The following EML6 variants were observed in gnomAD, a reference collection of about 807,000 sequenced individuals.
The protein encoded by EML6 is EMAP like 6, also known as echinoderm microtubule-associated protein-like 6.
Under a neutral mutation model 240.1 loss-of-function variants are expected in EML6, and 154 were observed. The observed-to-expected ratio is 0.64, with a 90% CI of 0.56 to 0.73. The LOEUF is 0.73. EML6 is among the 30% of genes least tolerant of loss of function. The pLI is 0.00. For synonymous variants in EML6, 1,148 were observed against 899.0 expected, an observed-to-expected ratio of 1.28 and a Z score of -4.95; for missense variants, 2,964 against 2,474.6, an observed-to-expected ratio of 1.20 and a Z score of -4.20.
intron 28 of EML6, among the ~76,000 whole-genome samples, chr2:54,948,132 C>A (rs775182091): frequency 6.6e-6 from 1 of 152,154 alleles, no homozygotes; most frequent in Non-Finnish European, 1.5e-5. Flanking sequence ...AAGGAAACCC[C>A]ACGTCACCAA....
At chr2:54,764,231 C>T (rs374309235) in intron 2 of EML6, among the ~76,000 whole-genome samples, 1 of 152,144 alleles carries the variant, frequency 6.6e-6, no homozygotes, top group African/African-American at 2.4e-5. Flanking sequence ...AGATTAAGTC[C>T]ATATAATTTC....
At chr2:54,877,087 A>G (rs1263542322) in intron 16 of EML6, among the ~76,000 whole-genome samples, 1 of 151,694 alleles carries the variant, frequency 6.6e-6, no homozygotes, top group Non-Finnish European at 1.5e-5. Flanking sequence ...AGCTCAATCG[A>G]TCCTCCCAAC....
chr2:54,838,530 G>A (rs1669272893), intron 7 of EML6, among the ~76,000 whole-genome samples: 1 of 152,210 alleles, frequency 6.6e-6, no homozygotes, highest in East Asian at 1.9e-4. Context: ...TAGAAAATAA[G>A]CAATGTCCCT....
At chr2:54,819,548 C>T (rs956223783) in intron 4 of EML6, among the ~76,000 whole-genome samples, 4 of 152,122 alleles carry the variant, frequency 2.6e-5, no homozygotes, top group Admixed American at 2.6e-4. Flanking sequence ...GAGGCCAAGG[C>T]AGGTGGATCA....
intron 2 of EML6, among the ~76,000 whole-genome samples, chr2:54,786,932 C>T (rs1203806562): frequency 2.0e-5 from 3 of 152,120 alleles, no homozygotes; most frequent in African/African-American, 4.8e-5. Flanking sequence ...CTTTTTCTCT[C>T]GGGCTTGACT....
Position 54,899,708 on chromosome 2 carries a change from G to C in EML6, c.3050G>C (p.Ser1017Thr). Residue 1017 changes from serine (S) to threonine (T), a missense_variant, in exon 22 of 42, where the codon AGC (serine) becomes ACC (threonine). Physicochemically the swap from Ser to Thr is moderately conservative, Grantham distance 58. Coordinates refer to ENST00000356458, the MANE Select transcript of EML6 (RefSeq NM_001039753.4). ...HPLLPICATV[S>T]DDKTLRIWEL... ...CTCCTGCCCATCTGTGCAACAGTGA[G>C]CGATGATAAAACACTTCGCATCTGG... The C allele has an allele frequency of 6.4e-7, 1 of 1,552,580 alleles. No homozygotes were observed. Among genetic ancestry groups the C allele is most frequent in the Non-Finnish European group, 8.7e-7 (1 of 1,147,448 alleles).
intron 2 of EML6, among the ~76,000 whole-genome samples, chr2:54,803,941 T>C (rs1670323846): frequency 6.6e-6 from 1 of 152,156 alleles, no homozygotes; most frequent in Non-Finnish European, 1.5e-5. Flanking sequence ...AATGATGAAA[T>C]CACATTGAAT....
intron 7 of EML6, among the ~76,000 whole-genome samples, chr2:54,833,609 C>T (rs569868415): frequency 1.3e-5 from 2 of 152,166 alleles, no homozygotes; most frequent in Non-Finnish European, 2.9e-5. Context: ...TCTCAGGGCT[C>T]CCTCCCTTCT....
At chr2:54,779,730 T>A (rs1368652822) in intron 2 of EML6, among the ~76,000 whole-genome samples, 1 of 150,840 alleles carries the variant, frequency 6.6e-6, no homozygotes, top group Non-Finnish European at 1.5e-5. Context: ...GGTATGGTGG[T>A]GTGTGCCTAT....
chr2:54,951,666 C>T (rs1480208608), intron 30 of EML6, among the ~76,000 whole-genome samples: 1 of 150,806 alleles, frequency 6.6e-6, no homozygotes, highest in Non-Finnish European at 1.5e-5. Context: ...CAGATTTAAA[C>T]AGGTTCACAT....
intron 2 of EML6, among the ~76,000 whole-genome samples, chr2:54,811,044 C>A (rs1179703808): frequency 6.6e-6 from 1 of 152,148 alleles, no homozygotes; most frequent in African/African-American, 2.4e-5. Context: ...CTCAAACATA[C>A]TAAGCATTTC....
intron 2 of EML6, among the ~76,000 whole-genome samples, chr2:54,811,483 C>T (rs1191997343): frequency 6.6e-6 from 1 of 152,196 alleles, no homozygotes; most frequent in Non-Finnish European, 1.5e-5. Context: ...TCTCCATCCT[C>T]CATCTTTCTG....
chr2:54,913,570 T>C (rs1673754771), intron 25 of EML6, among the ~76,000 whole-genome samples: 1 of 152,238 alleles, frequency 6.6e-6, no homozygotes, highest in Non-Finnish European at 1.5e-5. Flanking sequence ...GGTGCATAGT[T>C]TGCAAATACT....
At chr2:54,915,737 C>G (rs1334731168) in intron 25 of EML6, among the ~76,000 whole-genome samples, 2 of 152,032 alleles carry the variant, frequency 1.3e-5, no homozygotes, top group Non-Finnish European at 2.9e-5. Context: ...TAACAACAAG[C>G]AGAAATTAGG....
rs557091813 is a variant in EML6 at position 54,809,061 on chromosome 2, C to A, written c.198-4171C>A. Among the ~76,000 whole-genome samples the A allele has an allele frequency of 6.6e-5, 10 of 152,296 alleles. No homozygotes were observed. The South Asian group carries it at 2.1e-3, about 32-fold the overall frequency. On this transcript the variant is annotated intron_variant, in intron 2 of 41. Transcript: ENST00000356458. The stretch of plus-strand genomic sequence containing the variant: ...AATAAACTGAGTACCAAAGGAAAAA[C>A]AGTCACACCAAAACTTTTTATGTAG...
chr2:54,858,685 C>T (rs1179139623), intron 11 of EML6, among the ~76,000 whole-genome samples: 1 of 152,186 alleles, frequency 6.6e-6, no homozygotes, highest in Non-Finnish European at 1.5e-5. Flanking sequence ...AGAGCATGCT[C>T]TCAAAAAATG....
chr2:54,778,661 G>T (rs1482655819), intron 2 of EML6, among the ~76,000 whole-genome samples: 1 of 152,008 alleles, frequency 6.6e-6, no homozygotes, highest in Non-Finnish European at 1.5e-5. Context: ...GGCCGAGACG[G>T]GCAGGTCACA....
chr2:54,956,138 A>G (rs950537367), intron 32 of EML6, among the ~76,000 whole-genome samples: 2 of 152,206 alleles, frequency 1.3e-5, no homozygotes, highest in Admixed American at 1.3e-4. Flanking sequence ...CTAGAAGCCA[A>G]TGCAGAGAGG....
In EML6 at chr2:54,824,331, T is replaced by C. The variant is rs115843759; in HGVS notation, c.526-3235T>C. On this transcript the variant is annotated intron_variant, in intron 5 of 41. Coordinates refer to ENST00000356458, the MANE Select transcript of EML6 (RefSeq NM_001039753.4). Reference sequence around the variant, plus strand: ...TTTTTCTAAGCAAATACAAGCATTTTTACCTCAAAGAATCTGGAATGTCTA... The same window carrying C: ...TTTTTCTAAGCAAATACAAGCATTTCTACCTCAAAGAATCTGGAATGTCTA... 7.9e-3 allele frequency among the ~76,000 whole-genome samples: 1,200 copies of C among 152,294 alleles called. 15 individuals carry two copies. The highest frequency in any genetic ancestry group is 0.028 in the African/African-American group (1,146 of 41,572).
Sources: allele counts gnomAD v4.1 joint callset (sites outside exome capture counted in the v4.1 genomes callset), GRCh38; gene constraint gnomAD v4.1.1; transcripts MANE v1.5; gene names NCBI Gene and HGNC (gene_info 2026-07-23, HGNC 2026-07-21).